Variants in SYT16 observed in about 807,000 individuals in gnomAD.
SYT16 encodes the protein synaptotagmin 16.
A neutral mutation model predicts 61.4 loss-of-function variants in SYT16; 42 were observed. That is an observed-to-expected ratio of 0.68 (90% CI 0.53 to 0.89). The LOEUF is 0.89. Ranked by LOEUF, SYT16 falls within the 40% of genes least tolerant of loss-of-function variation. The pLI is 0.00. For missense variants in SYT16, 804 were observed against 807.3 expected (o/e 1.00, Z 0.05); for synonymous variants, 314 against 302.3 (o/e 1.04, Z -0.40).
Position 62,108,988 on chromosome 14 carries a change from G to A in SYT16, c.*8281G>A, listed in dbSNP as rs1290873772. On this transcript the variant is annotated 3_prime_UTR_variant, in exon 8 of 8. Coordinates refer to ENST00000683842, the MANE Select transcript of SYT16 (RefSeq NM_001367656.1). Reference sequence around the variant, plus strand: ...CCCCGTGAACATTTTGAACACCACAGTGCTATATTTGTTACAACTGATGAA... The same window carrying A: ...CCCCGTGAACATTTTGAACACCACAATGCTATATTTGTTACAACTGATGAA... 1 of 152,108 alleles carries A rather than the reference G, an allele frequency of 6.6e-6. No homozygotes were observed. Among genetic ancestry groups the A allele is most frequent in the Non-Finnish European group, 1.5e-5 (1 of 68,024 alleles). 9.4% of individuals were successfully genotyped at this position (152,108 alleles called of 1,614,324 possible). A position where few individuals can be genotyped will look rare whatever the true frequency, so the allele number is the denominator to read the frequency against.
rs17099487 is a variant in SYT16, at chr14:62,074,927, T to C, written c.737-208T>C. Among the ~76,000 whole-genome samples the C allele has an allele frequency of 5.3e-3, 813 of 152,332 alleles. 7 individuals are homozygous for C. The highest frequency in any genetic ancestry group is 0.019 in the African/African-American group (795 of 41,578). On this transcript the variant is annotated intron_variant, in intron 4 of 7. Coordinates refer to ENST00000683842, the MANE Select transcript of SYT16 (RefSeq NM_001367656.1). ...CATATTTAAAAAGTATTAAGCCTTC[T>C]GATACGCCACATAATGAGATAATGT... is the stretch of plus-strand genomic sequence containing the variant.
chr14:61,959,856 G>T (rs79197565), intron 1 of SYT16, among the ~76,000 whole-genome samples: 3,303 of 152,126 alleles, frequency 0.022, 56 homozygotes, highest in South Asian at 0.03. Flanking sequence ...GGGGGACAGG[G>T]TTTCACTCTG....
chr14:61,843,233 C>G (rs191599182), intron 1 of SYT16, among the ~76,000 whole-genome samples: 2 of 152,256 alleles, frequency 1.3e-5, no homozygotes, highest in African/African-American at 4.8e-5. Context: ...TCCTTGCCAG[C>G]ATTTATGATT....
Position 62,073,503 on chromosome 14 carries a change from C to A in SYT16, c.737-1632C>A, listed in dbSNP as rs1253840974. ...TGTGGCCTGTTTTTAGGATGTTTGC[C>A]AAATAACCGAAAGTCTGGATGTAAA... On this transcript the variant is annotated intron_variant, in intron 4 of 7. Transcript: ENST00000683842. 2.0e-5 allele frequency among the ~76,000 whole-genome samples: 3 copies of A among 152,046 alleles called. No homozygotes were observed. The East Asian group carries it at 5.8e-4, about 29-fold the overall frequency.
chr14:62,032,695 C>G (rs546485705), intron 3 of SYT16, among the ~76,000 whole-genome samples: 304 of 151,074 alleles, frequency 2.0e-3, no homozygotes, highest in Non-Finnish European at 3.0e-3. Flanking sequence ...ATTGACAGAT[C>G]GTGGAGCTTC....
chr14:61,889,589 CCT>C (rs1317873864), intron 1 of SYT16, among the ~76,000 whole-genome samples: 2 of 150,598 alleles, frequency 1.3e-5, no homozygotes, highest in Non-Finnish European at 1.5e-5. Flanking sequence ...GCTCTTGCTC[CCT>C]CTCTCTCTCT....
intron 1 of SYT16, chr14:61,832,033 A>G: frequency 2.9e-6 from 2 of 696,720 alleles, no homozygotes; most frequent in African/African-American, 1.7e-5. Context: ...AACGCCGTGA[A>G]GCCAAGGAAG....
At chr14:61,950,639 C>T (rs534142924) in intron 1 of SYT16, among the ~76,000 whole-genome samples, 21 of 152,242 alleles carry the variant, frequency 1.4e-4, no homozygotes, top group African/African-American at 4.6e-4. Flanking sequence ...CTTCGGCCCA[C>T]GTGGCAGCCT....
chr14:61,873,528 A>G (rs2047395804), intron 1 of SYT16, among the ~76,000 whole-genome samples: 1 of 152,214 alleles, frequency 6.6e-6, no homozygotes, highest in Non-Finnish European at 1.5e-5. Context: ...TGTTCAGAAT[A>G]TTCACCTGAA....
chr14:61,849,707 T>C (rs530984009), intron 1 of SYT16, among the ~76,000 whole-genome samples: 87 of 152,276 alleles, frequency 5.7e-4, no homozygotes, highest in African/African-American at 1.7e-3. Context: ...AGGGGTGGCA[T>C]TGGCAGTTCA....
rs752532992 is a variant in SYT16 at position 62,081,027 on chromosome 14, C to A, written c.1187C>A (p.Pro396His). The A allele has an allele frequency of 1.1e-5, 18 of 1,613,476 alleles. No individual in the cohort carries two copies. In the African/African-American group the frequency reaches 2.3e-4, roughly 20 times the overall value. The change falls in exon 6 of 8, where the codon CCT becomes CAT. Residue 396 changes from proline (P) to histidine (H), a missense_variant. Physicochemically the swap from Pro to His is moderately conservative, Grantham distance 77. Transcript: ENST00000683842. ...TGGCAAGTTCATGTAGTGCTGCTGC[C>A]TGGTAAGAAACACAGGGGCAGGACG... ...NSWQVHVVLL[P>H]GKKHRGRTNI...
intron 2 of SYT16, among the ~76,000 whole-genome samples, chr14:61,986,338 A>G (rs866272150): frequency 7.9e-5 from 12 of 151,820 alleles, no homozygotes; most frequent in Non-Finnish European, 1.3e-4. Flanking sequence ...AATACAATTT[A>G]TAGACATTCT....
At chr14:62,096,622 T>C (rs2057283396) in intron 7 of SYT16, among the ~76,000 whole-genome samples, 1 of 152,132 alleles carries the variant, frequency 6.6e-6, no homozygotes, top group South Asian at 2.1e-4. Flanking sequence ...TTTTCTAATG[T>C]GCAAAATTCT....
downstream of SYT16, among the ~76,000 whole-genome samples, chr14:62,112,721 A>G (rs551398174): frequency 6.6e-6 from 1 of 152,334 alleles, no homozygotes; most frequent in South Asian, 2.1e-4. Context: ...CATTACATGT[A>G]TGATCCATAC....
At chr14:61,958,980 A>T (rs72718530) in intron 1 of SYT16, among the ~76,000 whole-genome samples, 34,710 of 151,770 alleles carry the variant, frequency 0.23, 4,251 homozygotes, top group Non-Finnish European at 0.27. Context: ...TGTAGAATTG[A>T]CCCTTTTGTC....
intron 3 of SYT16, among the ~76,000 whole-genome samples, chr14:62,042,491 CATT>C (rs2054775067): frequency 6.6e-6 from 1 of 152,160 alleles, no homozygotes; most frequent in Non-Finnish European, 1.5e-5. Context: ...GATTGTTCCT[CATT>C]ACTGAGGTCA....
chr14:61,993,732 G>T (rs2052650972), intron 2 of SYT16, among the ~76,000 whole-genome samples: 1 of 152,116 alleles, frequency 6.6e-6, no homozygotes, highest in Non-Finnish European at 1.5e-5. Context: ...ACTATGCAGG[G>T]AACTTATGTG....
intron 1 of SYT16, among the ~76,000 whole-genome samples, chr14:61,939,817 C>G (rs1388177169): frequency 2.0e-5 from 3 of 152,120 alleles, no homozygotes; most frequent in Non-Finnish European, 4.4e-5. Flanking sequence ...AAGCACCTCC[C>G]CTGACCTCTC....
chr14:62,092,403 G>A (rs1014179080), intron 7 of SYT16, among the ~76,000 whole-genome samples: 1 of 152,050 alleles, frequency 6.6e-6, no homozygotes, highest in Non-Finnish European at 1.5e-5. Context: ...GGAATTGAAA[G>A]CAGGGTCTTG....
Sources: allele counts gnomAD v4.1 joint callset (sites outside exome capture counted in the v4.1 genomes callset), GRCh38; gene constraint gnomAD v4.1.1; transcripts MANE v1.5; gene names NCBI Gene and HGNC (gene_info 2026-07-23, HGNC 2026-07-21).